JUP: variants seen among roughly 807,000 people sequenced by gnomAD.
JUP encodes the protein junction plakoglobin.
In JUP, 28 loss-of-function variants were observed where a neutral mutation model predicts 71.1. The observed-to-expected ratio is 0.39, with a 90% confidence interval of 0.29 to 0.54. The LOEUF is 0.54. Among genes scored for constraint, JUP ranks in the 20% least tolerant of loss-of-function variants. The pLI, the probability that JUP is intolerant of heterozygous loss-of-function variation, is 0.62. For missense variants in JUP, 869 were observed against 1,030.1 expected, an observed-to-expected ratio of 0.84 and a Z score of 2.14; for synonymous variants, 401 against 438.9, an observed-to-expected ratio of 0.91 and a Z score of 1.08.
intron 8 of JUP, among the ~76,000 whole-genome samples, chr17:41,760,461 T>C (rs1457234415): frequency 2.0e-5 from 3 of 151,824 alleles, no homozygotes; most frequent in Non-Finnish European, 4.4e-5. Flanking sequence ...GGTTTCACCG[T>C]GTTAGCCAGG....
chr17:41,772,082 G>T, intron 1 of JUP: 1 of 635,988 alleles, frequency 1.6e-6, no homozygotes, highest in South Asian at 1.7e-5. Context: ...AGCCCCAGGG[G>T]TGCGGCTGTG....
intron 3 of JUP, 97 bp from the exon 4 acceptor site, chr17:41,769,304 C>T: frequency 6.5e-7 from 1 of 1,548,778 alleles, no homozygotes; most frequent in South Asian, 1.1e-5. Context: ...ACTCATCACA[C>T]ACGGGAGAGT....
chr17:41,756,931 A>G (rs1231184918), intron 12 of JUP, among the ~76,000 whole-genome samples: 1 of 152,140 alleles, frequency 6.6e-6, no homozygotes, highest in African/African-American at 2.4e-5. Flanking sequence ...TAAATAAAAG[A>G]GGGGGCTGGA....
chr17:41,755,118 G>A lies in JUP; in HGVS notation c.*626C>T, dbSNP rs969554003. The A allele has an allele frequency of 6.6e-5, 26 of 396,894 alleles. No homozygotes were observed. The highest frequency in any genetic ancestry group is 1.2e-4 in the Non-Finnish European group (26 of 225,426). 24.6% of individuals were successfully genotyped at this position (396,894 alleles called of 1,614,324 possible). On this transcript the variant is annotated 3_prime_UTR_variant, in exon 14 of 14. Transcript: ENST00000393931. ...AATCAGACCCAGAGAAGGAACCAAA[G>A]CCCTTCCGGGCCCAGGCAGCTGGAG... is the stretch of plus-strand genomic sequence containing the variant.
At chr17:41,772,186 C>A (rs1555607311) in intron 1 of JUP, 1 of 442,528 alleles carries the variant, frequency 2.3e-6, no homozygotes, top group Non-Finnish European at 4.2e-6. Context: ...AGCCCCTGCT[C>A]ACGCACCTTG....
chr17:41,755,205 T>C lies in JUP; in HGVS notation c.*539A>G. 5 of 398,526 alleles carry C rather than the reference T, an allele frequency of 1.3e-5. No homozygotes were observed. Among genetic ancestry groups the C allele is most frequent in the Non-Finnish European group, 2.2e-5 (5 of 226,346 alleles). The allele number at this position is 398,526 out of a possible 1,614,324, so 24.7% of individuals were successfully genotyped here. A position where few individuals can be genotyped will look rare whatever the true frequency, so the allele number is the denominator to read the frequency against. On this transcript the variant is annotated 3_prime_UTR_variant, in exon 14 of 14. Transcript: ENST00000393931. ...GGAAAACAGAATGGGTACTTGAGTC[T>C]GAAGCTTTAGTGGCCAGGGCCACAG...
At chr17:41,776,018 G>A (rs2143803291) in intron 1 of JUP, 1 of 984,870 alleles carries the variant, frequency 1.0e-6, no homozygotes, top group Non-Finnish European at 1.2e-6. Flanking sequence ...GCCAAGGACA[G>A]TCAGCAATGG....
Position 41,756,285 on chromosome 17 carries a change from G to A in JUP, c.2047-71C>T. On this transcript the variant is annotated intron_variant, in intron 12 of 13. Coordinates refer to ENST00000393931, the MANE Select transcript of JUP (RefSeq NM_002230.4). The stretch of plus-strand genomic sequence containing the variant: ...GCTCCGAGCTGGATCTCAGCTGGTG[G>A]GCAGGGAGAGATGCTTCTAAAAGAG... 3.4e-6 allele frequency: 5 copies of A among 1,478,370 alleles called. No individual in the cohort carries two copies. The East Asian group carries it at 9.1e-5, about 27-fold the overall frequency. The allele number at this position is 1,478,370 out of a possible 1,614,324, so 91.6% of individuals were successfully genotyped here.
chr17:41,757,575 GC>G lies in JUP; in HGVS notation c.1925-40del, dbSNP rs200719337. ...AAAGGAAAAGCCAGGTTAAACGTCG[GC>G]CAGCCTCCATCGTGGCTGGGGGAGT... On this transcript the variant is annotated intron_variant, in intron 11 of 13. Transcript: ENST00000393931. 7.0e-3 allele frequency: 11,226 copies of G among 1,614,168 alleles called. 64 individuals are homozygous for G. Among genetic ancestry groups the G allele is most frequent in the Non-Finnish European group, 7.2e-3 (8,491 of 1,180,014 alleles).
intron 1 of JUP, chr17:41,772,330 T>C (rs1475685072): frequency 3.6e-6 from 1 of 278,702 alleles, no homozygotes; most frequent in Non-Finnish European, 7.1e-6. Context: ...CCCAAGCCAT[T>C]GGGCAGGAAA....
intron 4 of JUP, 107 bp from the exon 5 acceptor site, chr17:41,767,687 G>T: frequency 1.2e-6 from 1 of 842,878 alleles, no homozygotes; most frequent in Non-Finnish European, 1.9e-6. Flanking sequence ...CGCTACTGAC[G>T]CCCCTCTGGA....
At chr17:41,781,810 C>T (rs538077017) in intron 1 of JUP, among the ~76,000 whole-genome samples, 1 of 152,346 alleles carries the variant, frequency 6.6e-6, no homozygotes, top group Admixed American at 6.5e-5. Flanking sequence ...TTTCTCAACT[C>T]AAGATTTCAT....
intron 1 of JUP, among the ~76,000 whole-genome samples, chr17:41,774,360 A>C (rs1159251619): frequency 6.6e-6 from 1 of 151,662 alleles, no homozygotes; most frequent in Non-Finnish European, 1.5e-5. Flanking sequence ...TTGAGACAGA[A>C]TCTCTCTCTG....
intron 1 of JUP, among the ~76,000 whole-genome samples, chr17:41,784,409 T>C (rs1555611208): frequency 6.6e-6 from 1 of 152,018 alleles, no homozygotes; most frequent in Non-Finnish European, 1.5e-5. Context: ...CTCCCCCGCA[T>C]CCCCCAGTCC....
At chr17:41,764,101 G>A (rs1279376597) in intron 7 of JUP, among the ~76,000 whole-genome samples, 2 of 152,232 alleles carry the variant, frequency 1.3e-5, no homozygotes, top group Non-Finnish European at 2.9e-5. Flanking sequence ...ACAGCATATT[G>A]CTAGGGGAGG....
At chr17:41,781,288 G>A (rs1277211546) in intron 1 of JUP, among the ~76,000 whole-genome samples, 1 of 151,948 alleles carries the variant, frequency 6.6e-6, no homozygotes, top group Non-Finnish European at 1.5e-5. Context: ...CCGGGAGATG[G>A]AGGTTGCAGT....
chr17:41,765,694 G>GA lies in JUP; in HGVS notation c.910-628dup, dbSNP rs1915609603. Among the ~76,000 whole-genome samples, 4 of 151,894 alleles carry GA rather than the reference G, an allele frequency of 2.6e-5. No individual in the cohort carries two copies. The South Asian group carries it at 8.3e-4, about 32-fold the overall frequency. On this transcript the variant is annotated intron_variant, in intron 5 of 13. Transcript: ENST00000393931. ...TGACTGTTATGTAAGCCAAAATTTT[G>GA]AAAAAAGGATAATACCCAGTGCTGA...
intron 7 of JUP, 127 bp downstream of exon 7, chr17:41,764,586 C>A: frequency 1.4e-6 from 1 of 710,080 alleles, no homozygotes; most frequent in Admixed American, 2.3e-5. Flanking sequence ...GCATTTCCAG[C>A]CTCAGTCACA....
At position 41,767,626 on chromosome 17, in the gene JUP, G is replaced by A. The variant is rs540490291; in HGVS notation, c.708-46C>T. On this transcript the variant is annotated intron_variant, in intron 4 of 13. Coordinates refer to ENST00000393931, the MANE Select transcript of JUP (RefSeq NM_002230.4). ...TAGTACGCTGAGGTCCCAGAGGCCT[G>A]GCATACATGTGAGCCTGGCATGGGT... 3 of 1,512,618 alleles carry A rather than the reference G, an allele frequency of 2.0e-6. No homozygotes were observed. In the South Asian group the frequency reaches 3.4e-5, roughly 17 times the overall value. The allele number at this position is 1,512,618 out of a possible 1,614,324, so 93.7% of individuals were successfully genotyped here.
Sources: allele counts gnomAD v4.1 joint callset (sites outside exome capture counted in the v4.1 genomes callset), GRCh38; gene constraint gnomAD v4.1.1; transcripts MANE v1.5; gene names NCBI Gene and HGNC (gene_info 2026-07-23, HGNC 2026-07-21).